TENM1: variants seen among roughly 807,000 people sequenced by gnomAD.
TENM1 encodes the protein teneurin transmembrane protein 1, also known as teneurin-1.
In TENM1, 35 loss-of-function variants were observed where a neutral mutation model predicts 174.8. The observed-to-expected ratio is 0.20, with a 90% confidence interval of 0.15 to 0.27. The LOEUF (loss-of-function observed/expected upper bound fraction) is 0.27, where lower values mean the gene tolerates loss of function less well. Ranked by LOEUF, TENM1 falls within the 10% of genes least tolerant of loss-of-function variation. TENM1 has a pLI of 1.00. For synonymous variants in TENM1, 781 were observed against 798.7 expected (o/e 0.98, Z 0.37); for missense variants, 1,633 against 2,130.1 (o/e 0.77, Z 4.59).
chrX:125,026,132 T>C, the TENM1 span, among the ~76,000 whole-genome samples: 1 of 109,818 alleles, frequency 9.1e-6, no homozygotes, highest in African/African-American at 3.3e-5. Context: ...ATCTGGTTTA[T>C]TTAAAATGCT....
At chrX:124,453,417 C>T (rs1221556856) in exon 23 of TENM1, 1 of 1,209,991 alleles carries the variant, frequency 8.3e-7, no homozygotes, top group Middle Eastern at 2.3e-4. Context: ...GTTGTGATCA[C>T]AGCATTCTCA....
At chrX:124,484,129 C>T (rs1312459209) in intron 21 of TENM1, among the ~76,000 whole-genome samples, 4 of 111,274 alleles carry the variant, frequency 3.6e-5, no homozygotes, top group Admixed American at 2.9e-4. Flanking sequence ...TTGCAGAATA[C>T]CCTTGACTGA....
At chrX:124,873,653 A>C (rs1019226213) in intron 3 of TENM1, among the ~76,000 whole-genome samples, 3 of 111,563 alleles carry the variant, frequency 2.7e-5, no homozygotes, top group Non-Finnish European at 5.7e-5. Flanking sequence ...AAAATCCACT[A>C]CTATCGACAA....
At chrX:125,080,277 T>C in the TENM1 span, among the ~76,000 whole-genome samples, 1 of 111,875 alleles carries the variant, frequency 8.9e-6, no homozygotes, top group African/African-American at 3.2e-5. Context: ...AGAATGCCTG[T>C]CCTAAGTTAA....
At chrX:124,823,560 T>C (rs2056088553) in intron 3 of TENM1, among the ~76,000 whole-genome samples, 1 of 110,981 alleles carries the variant, frequency 9.0e-6, no homozygotes, top group Non-Finnish European at 1.9e-5. Context: ...AAAATTAAAA[T>C]ACAGAAGTCG....
chrX:124,454,032 T>C (rs1479261363), intron 22 of TENM1, among the ~76,000 whole-genome samples: 1 of 111,640 alleles, frequency 9.0e-6, no homozygotes, highest in Non-Finnish European at 1.9e-5. Flanking sequence ...GCGAGCAAAA[T>C]TATAGTATCA....
the TENM1 span, among the ~76,000 whole-genome samples, chrX:124,999,173 C>G: frequency 1.8e-5 from 2 of 110,874 alleles, no homozygotes; most frequent in South Asian, 3.8e-4. Context: ...AATGTCTTAA[C>G]TCTATTAATT....
chrX:125,198,246 G>T, the TENM1 span, among the ~76,000 whole-genome samples: 3 of 111,452 alleles, frequency 2.7e-5, no homozygotes, highest in African/African-American at 9.8e-5. Flanking sequence ...AATAAAAGTG[G>T]GACATAGATA....
intron 18 of TENM1, among the ~76,000 whole-genome samples, chrX:124,514,304 A>AAAAAAC (rs1602575713): frequency 9.3e-6 from 1 of 107,301 alleles, no homozygotes; most frequent in African/African-American, 3.4e-5. Context: ...GAAAAAAAGC[A>AAAAAAC]AAAAACAAAA....
intron 3 of TENM1, among the ~76,000 whole-genome samples, chrX:124,832,368 G>A (rs1266755996): frequency 8.9e-6 from 1 of 111,791 alleles, no homozygotes; most frequent in Non-Finnish European, 1.9e-5. Context: ...CAGTTTCTTA[G>A]CCAGCAAAAG....
chrX:124,386,049 G>C, exon 29 of TENM1: 2 of 1,194,934 alleles, frequency 1.7e-6, no homozygotes, highest in South Asian at 3.6e-5. Flanking sequence ...TGGCTGTGTA[G>C]GAGAAGCATC....
chrX:124,538,734 T>C (rs2048257741), intron 15 of TENM1, among the ~76,000 whole-genome samples: 2 of 111,851 alleles, frequency 1.8e-5, no homozygotes, highest in Admixed American at 1.9e-4. Flanking sequence ...CAAATGTTTA[T>C]GTTGTCGACC....
the TENM1 span, among the ~76,000 whole-genome samples, chrX:124,975,664 T>C: frequency 8.9e-6 from 1 of 111,743 alleles, no homozygotes; most frequent in Admixed American, 9.6e-5. Context: ...TGGAGACTCA[T>C]TTTCAATTAT....
At chrX:124,406,418 A>G in exon 26 of TENM1, 2 of 1,209,468 alleles carry the variant, frequency 1.7e-6, no homozygotes, top group Non-Finnish European at 1.1e-6. Context: ...CAGCTTCTCC[A>G]GGTCACTGTG....
At chrX:124,563,826 T>C (rs187812497) in intron 12 of TENM1, 54 bp from the exon 16 acceptor site, 292 of 1,045,898 alleles carry the variant, frequency 2.8e-4, no homozygotes, top group African/African-American at 1.9e-3. Context: ...ACTAAAGCTA[T>C]ACAATATGTA....
the TENM1 span, among the ~76,000 whole-genome samples, chrX:125,203,191 G>C: frequency 8.8e-6 from 1 of 113,037 alleles, no homozygotes; most frequent in Non-Finnish European, 1.9e-5. Flanking sequence ...CTCCCTGAGT[G>C]AGGCTCAAAT....
chrX:124,761,787 G>A (rs893539447), intron 3 of TENM1, among the ~76,000 whole-genome samples: 1 of 111,549 alleles, frequency 9.0e-6, no homozygotes, highest in East Asian at 2.8e-4. Flanking sequence ...TTCCACGTAT[G>A]TACATACAAA....
At chrX:124,704,614 TA>T (rs769385765) in intron 5 of TENM1, among the ~76,000 whole-genome samples, 16 of 111,761 alleles carry the variant, frequency 1.4e-4, no homozygotes, top group Non-Finnish European at 2.6e-4. Context: ...AGCTTCCAAA[TA>T]ACTGGGGCTT....
intron 3 of TENM1, among the ~76,000 whole-genome samples, chrX:124,776,931 T>G (rs1009861110): frequency 1.8e-5 from 2 of 111,236 alleles, no homozygotes; most frequent in Admixed American, 9.6e-5. Context: ...TTATTTTATT[T>G]TTTTTAATTC....
Sources: gnomAD v4.1 joint callset for allele counts (sites outside exome capture counted in the v4.1 genomes callset) on GRCh38, gnomAD v4.1.1 for gene constraint, MANE v1.5 for transcripts, NCBI Gene and HGNC (gene_info 2026-07-23, HGNC 2026-07-21) for gene names.